RAB38: variants seen among roughly 807,000 people sequenced by gnomAD.
The protein encoded by RAB38 is RAB38, member RAS oncogene family.
A neutral mutation model predicts 18.4 loss-of-function variants in RAB38; 15 were observed. The ratio of observed to expected loss-of-function variants is 0.82; its 90% CI spans 0.55 to 1.26. RAB38 has a LOEUF of 1.26. Ranked by LOEUF, RAB38 falls within the 50% of genes most tolerant of loss-of-function variation. RAB38 has a pLI of 0.00. For synonymous variants in RAB38, 101 were observed against 104.4 expected (o/e 0.97, Z 0.20); for missense variants, 294 against 267.4 (o/e 1.10, Z -0.69).
chr11:87,937,093 TTATAGA>T, the RAB38 span, among the ~76,000 whole-genome samples: 1 of 151,824 alleles, frequency 6.6e-6, no homozygotes, highest in Non-Finnish European at 1.5e-5. Flanking sequence ...TGAAGTATAA[TTATAGA>T]TATAAGCTTT....
the RAB38 span, among the ~76,000 whole-genome samples, chr11:87,966,806 G>A: frequency 1.3e-5 from 2 of 152,144 alleles, no homozygotes; most frequent in Non-Finnish European, 2.9e-5. Context: ...CTAGGGTCTG[G>A]GAATTGGATC....
the RAB38 span, among the ~76,000 whole-genome samples, chr11:88,015,300 T>G: frequency 0.021 from 3,170 of 152,242 alleles, 107 homozygotes; most frequent in African/African-American, 0.073. Context: ...GGTGGAGACT[T>G]AGTTCCTCAG....
the RAB38 span, among the ~76,000 whole-genome samples, chr11:88,043,268 A>G: frequency 2.0e-5 from 3 of 152,308 alleles, no homozygotes; most frequent in South Asian, 6.2e-4. Flanking sequence ...CTACTTTTGC[A>G]AAGTCCACAG....
the RAB38 span, among the ~76,000 whole-genome samples, chr11:88,079,506 C>T: frequency 6.6e-6 from 1 of 151,778 alleles, no homozygotes; most frequent in East Asian, 1.9e-4. Context: ...CAATTGTACA[C>T]AAACTCTTCT....
intron 1 of RAB38, among the ~76,000 whole-genome samples, chr11:88,164,258 G>A (rs1217110017): frequency 3.6e-5 from 5 of 137,308 alleles, no homozygotes; most frequent in Non-Finnish European, 8.0e-5. Context: ...GGTGCTCTCG[G>A]TGGGGGGGGG....
At chr11:87,841,532 C>A in the RAB38 span, among the ~76,000 whole-genome samples, 1 of 152,134 alleles carries the variant, frequency 6.6e-6, no homozygotes, top group Non-Finnish European at 1.5e-5. Flanking sequence ...TATTTGCCTA[C>A]CACTTATCTG....
the RAB38 span, among the ~76,000 whole-genome samples, chr11:88,066,081 G>A: frequency 2.6e-5 from 4 of 152,144 alleles, no homozygotes; most frequent in African/African-American, 4.8e-5. Context: ...CTTTGCTGAC[G>A]TATTTGACTT....
chr11:87,808,077 T>C, the RAB38 span, among the ~76,000 whole-genome samples: 12 of 152,162 alleles, frequency 7.9e-5, no homozygotes, highest in Non-Finnish European at 1.5e-4. Context: ...AAACCTTAAT[T>C]TGGTATTTTC....
chr11:88,104,052 A>G, the RAB38 span, among the ~76,000 whole-genome samples: 3 of 152,028 alleles, frequency 2.0e-5, no homozygotes, highest in African/African-American at 7.2e-5. Flanking sequence ...CACCTAACTG[A>G]ACTTTTCCCC....
chr11:87,977,880 G>T, the RAB38 span, among the ~76,000 whole-genome samples: 96,401 of 96,404 alleles, frequency 1, 48,199 homozygotes, highest in Middle Eastern at 1. Flanking sequence ...TATATATAAA[G>T]ATGTAGTCAT....
chr11:87,809,795 C>A, the RAB38 span, among the ~76,000 whole-genome samples: 1 of 152,046 alleles, frequency 6.6e-6, no homozygotes, highest in Non-Finnish European at 1.5e-5. Flanking sequence ...ATTTGGAGGC[C>A]ATTAAATCCA....
the RAB38 span, among the ~76,000 whole-genome samples, chr11:87,855,550 A>T: frequency 1.0e-3 from 152 of 152,320 alleles, no homozygotes; most frequent in African/African-American, 3.5e-3. Flanking sequence ...TTCTATTATT[A>T]AAGTTAGGTT....
At chr11:87,895,096 G>T in the RAB38 span, among the ~76,000 whole-genome samples, 1 of 151,524 alleles carries the variant, frequency 6.6e-6, no homozygotes, top group Non-Finnish European at 1.5e-5. Flanking sequence ...GCTTGAATTT[G>T]TTTAAAAGGA....
chr11:87,825,354 G>C, the RAB38 span, among the ~76,000 whole-genome samples: 1 of 152,048 alleles, frequency 6.6e-6, no homozygotes, highest in African/African-American at 2.4e-5. Flanking sequence ...ACACACACTG[G>C]GTAACTTAAA....
the RAB38 span, among the ~76,000 whole-genome samples, chr11:88,048,672 ACTGTCTT>A: frequency 6.6e-6 from 1 of 152,008 alleles, no homozygotes; most frequent in South Asian, 2.1e-4. Flanking sequence ...TGTCATCCCT[ACTGTCTT>A]CTGTCTAGCC....
chr11:87,817,402 A>G, the RAB38 span: 2 of 152,176 alleles, frequency 1.3e-5, no homozygotes, highest in African/African-American at 4.8e-5. Context: ...TAGATTAAAG[A>G]AAGACTTAGG....
chr11:88,007,456 A>G, the RAB38 span, among the ~76,000 whole-genome samples: 1 of 152,178 alleles, frequency 6.6e-6, no homozygotes, highest in East Asian at 1.9e-4. Context: ...CAGATACTTC[A>G]TCAAACAAGA....
At chr11:88,081,762 G>A in the RAB38 span, among the ~76,000 whole-genome samples, 2 of 151,730 alleles carry the variant, frequency 1.3e-5, no homozygotes, top group Non-Finnish European at 2.9e-5. Context: ...TTCCAATTAA[G>A]GTCACATTCT....
the RAB38 span, among the ~76,000 whole-genome samples, chr11:87,946,139 C>G: frequency 6.6e-6 from 1 of 152,128 alleles, no homozygotes; most frequent in Non-Finnish European, 1.5e-5. Context: ...GGTTACAGAA[C>G]TTACCAAATA....
Sources: allele counts gnomAD v4.1 joint callset (sites outside exome capture counted in the v4.1 genomes callset), GRCh38; gene constraint gnomAD v4.1.1; transcripts MANE v1.5; gene names NCBI Gene and HGNC (gene_info 2026-07-23, HGNC 2026-07-21).